KLF12: variants seen among roughly 807,000 people sequenced by gnomAD.
KLF12 encodes KLF transcription factor 12.
In KLF12, 9 loss-of-function variants were observed where a neutral mutation model predicts 37.8. The observed-to-expected ratio is 0.24, with a 90% CI of 0.14 to 0.42. The LOEUF (loss-of-function observed/expected upper bound fraction) is 0.42. Among genes scored for constraint, KLF12 ranks in the 10% least tolerant of loss-of-function variants. The probability of loss-of-function intolerance (pLI) is 1.00; values close to 1 mark genes in which losing one functional copy is unlikely to be tolerated. For synonymous variants in KLF12, 208 were observed against 202.1 expected (o/e 1.03, Z -0.25); for missense variants, 411 against 516.0 (o/e 0.80, Z 1.97).
rs943402590 is a variant in KLF12, at chr13:73,694,156, G to A, written c.*1334C>T. The A allele has an allele frequency of 6.6e-6, 1 of 152,546 alleles. No homozygotes were observed. Among genetic ancestry groups the A allele is most frequent in the Non-Finnish European group, 1.5e-5 (1 of 68,036 alleles). 9.4% of individuals were successfully genotyped at this position (152,546 alleles called of 1,614,324 possible). On this transcript the variant is annotated 3_prime_UTR_variant, in exon 8 of 8. Transcript: ENST00000377669. Reference sequence around the variant, plus strand: ...CAAGAGAGGAAACTAGCACCATGTCGGGCTTTCTATGGGAAGCATTCTCTT... The same window carrying A: ...CAAGAGAGGAAACTAGCACCATGTCAGGCTTTCTATGGGAAGCATTCTCTT...
chr13:74,021,653 A>T (rs1291932080), intron 1 of KLF12, among the ~76,000 whole-genome samples: 2 of 152,218 alleles, frequency 1.3e-5, no homozygotes, highest in Non-Finnish European at 1.5e-5. Context: ...ACATCAAGGA[A>T]GTCAGCAAAT....
At chr13:73,849,872 T>C (rs1354693329) in intron 3 of KLF12, among the ~76,000 whole-genome samples, 1 of 152,180 alleles carries the variant, frequency 6.6e-6, no homozygotes, top group African/African-American at 2.4e-5. Context: ...GAATTTTTGC[T>C]GTTGATGTCC....
chr13:73,806,172 T>A (rs1037624924), intron 5 of KLF12, among the ~76,000 whole-genome samples: 1 of 151,004 alleles, frequency 6.6e-6, no homozygotes, highest in Non-Finnish European at 1.5e-5. Context: ...GAGTGCATGA[T>A]GTTGGCTCAC....
chr13:73,931,497 A>C (rs1211990950), intron 3 of KLF12, among the ~76,000 whole-genome samples: 1 of 151,414 alleles, frequency 6.6e-6, no homozygotes, highest in Non-Finnish European at 1.5e-5. Context: ...AGAAGCTACT[A>C]TGGCAAATAA....
intron 3 of KLF12, among the ~76,000 whole-genome samples, chr13:73,890,805 C>T (rs374320391): frequency 1.3e-5 from 2 of 151,984 alleles, no homozygotes; most frequent in African/African-American, 2.4e-5. Context: ...AAATTTGAAA[C>T]GACCAACCCA....
the KLF12 span, among the ~76,000 whole-genome samples, chr13:74,305,609 C>T: frequency 6.6e-6 from 1 of 151,964 alleles, no homozygotes; most frequent in African/African-American, 2.4e-5. Flanking sequence ...CAGTGGGGGT[C>T]ACTTAATGAT....
rs552111183 is a variant in KLF12 at position 74,133,503 on chromosome 13, A to C, written c.-32+236T>G. ...GAAGAAACCTCCTTCTTTCTTCTCC[A>C]CGAATCCGACCGACGCTACTTGCTT... is the stretch of plus-strand genomic sequence containing the variant. On this transcript the variant is annotated intron_variant, in intron 1 of 7. Coordinates refer to ENST00000377669, the MANE Select transcript of KLF12 (RefSeq NM_007249.5). 6.6e-5 allele frequency among the ~76,000 whole-genome samples: 10 copies of C among 152,156 alleles called. No homozygotes were observed. In the East Asian group the frequency reaches 1.9e-3, roughly 29 times the overall value.
chr13:74,130,622 G>C (rs2139025941), intron 1 of KLF12, among the ~76,000 whole-genome samples: 1 of 149,560 alleles, frequency 6.7e-6, no homozygotes, highest in African/African-American at 2.5e-5. Context: ...GTCCCGCCTG[G>C]GTGACAGAGT....
intron 1 of KLF12, among the ~76,000 whole-genome samples, chr13:74,118,908 G>A (rs987478330): frequency 3.3e-5 from 5 of 152,224 alleles, no homozygotes; most frequent in South Asian, 2.1e-4. Context: ...GACCAAACAC[G>A]TGAAGAGAAA....
chr13:73,868,877 G>A (rs916524022), intron 3 of KLF12, among the ~76,000 whole-genome samples: 1 of 152,174 alleles, frequency 6.6e-6, no homozygotes, highest in African/African-American at 2.4e-5. Context: ...GTTTTATGAA[G>A]CTGGCATACT....
At chr13:74,182,874 T>G in the KLF12 span, among the ~76,000 whole-genome samples, 1 of 152,052 alleles carries the variant, frequency 6.6e-6, no homozygotes, top group Non-Finnish European at 1.5e-5. Context: ...TATATAACAC[T>G]TTAGTACATG....
chr13:73,947,585 A>G (rs1890483504), intron 2 of KLF12, among the ~76,000 whole-genome samples: 1 of 129,678 alleles, frequency 7.7e-6, no homozygotes, highest in Admixed American at 9.5e-5. Flanking sequence ...CGGGAGGCAG[A>G]GGTTGCTGTG....
At chr13:74,280,801 A>T in the KLF12 span, among the ~76,000 whole-genome samples, 1 of 150,196 alleles carries the variant, frequency 6.7e-6, no homozygotes, top group Non-Finnish European at 1.5e-5. Context: ...AAACTACACC[A>T]TACTCATCTT....
At chr13:73,983,837 A>G (rs906729798) in intron 2 of KLF12, among the ~76,000 whole-genome samples, 1 of 152,206 alleles carries the variant, frequency 6.6e-6, no homozygotes, top group Non-Finnish European at 1.5e-5. Context: ...TGAGTCAAGT[A>G]CCATATGAAA....
intron 2 of KLF12, chr13:73,960,509 A>T (rs974984153): frequency 2.6e-5 from 5 of 194,506 alleles, no homozygotes; most frequent in African/African-American, 1.2e-4. Context: ...TGGTTGGGAT[A>T]AAAAAAACAA....
the KLF12 span, among the ~76,000 whole-genome samples, chr13:74,143,855 A>G: frequency 6.6e-6 from 1 of 152,204 alleles, no homozygotes; most frequent in African/African-American, 2.4e-5. Context: ...TTTGTGTTAG[A>G]TGATTTTTGC....
rs180784332 is a variant in KLF12, at chr13:73,836,625, C to T, written c.670+9202G>A. The stretch of plus-strand genomic sequence containing the variant: ...TAAGAATTCCCTTGTAGCATAACAG[C>T]ACTTGTACTATATGAAATCAGAAGC... On this transcript the variant is annotated intron_variant, in intron 4 of 7. Transcript: ENST00000377669. Among the ~76,000 whole-genome samples the T allele has an allele frequency of 7.9e-5, 12 of 152,214 alleles. No homozygotes were observed. In the East Asian group the frequency reaches 1.7e-3, roughly 22 times the overall value.
chr13:74,135,214 G>A (rs1878501355), upstream of KLF12, among the ~76,000 whole-genome samples: 1 of 152,028 alleles, frequency 6.6e-6, no homozygotes, highest in African/African-American at 2.4e-5. Flanking sequence ...GCCTGGCCTC[G>A]CCACCCCAGC....
intron 5 of KLF12, among the ~76,000 whole-genome samples, chr13:73,799,262 G>A (rs1882158098): frequency 1.3e-5 from 2 of 152,118 alleles, no homozygotes; most frequent in African/African-American, 4.8e-5. Flanking sequence ...ACCTGAAGGT[G>A]ATGAAAGGGA....
Sources: gnomAD v4.1 joint callset for allele counts (sites outside exome capture counted in the v4.1 genomes callset) on GRCh38, gnomAD v4.1.1 for gene constraint, MANE v1.5 for transcripts, NCBI Gene and HGNC (gene_info 2026-07-23, HGNC 2026-07-21) for gene names.